MARCHF3: variants seen among roughly 807,000 people sequenced by gnomAD.
The protein encoded by MARCHF3 is membrane associated ring-CH-type finger 3, also known as E3 ubiquitin-protein ligase MARCHF3.
In MARCHF3, 13 loss-of-function variants were observed where a neutral mutation model predicts 24.2. That is an observed-to-expected ratio of 0.54 (90% CI 0.35 to 0.85). MARCHF3 has a LOEUF of 0.85. Among genes scored for constraint, MARCHF3 ranks in the 40% least tolerant of loss-of-function variants. The pLI, the probability that MARCHF3 is intolerant of heterozygous loss-of-function variation, is 0.01. For synonymous variants in MARCHF3, 144 were observed against 137.3 expected, an observed-to-expected ratio of 1.05 and a Z score of -0.34; for missense variants, 276 against 325.0, an observed-to-expected ratio of 0.85 and a Z score of 1.16.
chr5:126,954,190 G>T (rs1292747715), intron 1 of MARCHF3, among the ~76,000 whole-genome samples: 1 of 145,262 alleles, frequency 6.9e-6, no homozygotes, highest in Non-Finnish European at 1.5e-5. Flanking sequence ...CTGCCAACAC[G>T]CCCGGCTAAT....
At chr5:126,904,263 G>T (rs1316829335) in intron 3 of MARCHF3, among the ~76,000 whole-genome samples, 1 of 149,912 alleles carries the variant, frequency 6.7e-6, no homozygotes, top group African/African-American at 2.5e-5. Flanking sequence ...GAATAATGCC[G>T]CAATAAACAT....
intron 4 of MARCHF3, among the ~76,000 whole-genome samples, chr5:126,871,245 C>T (rs1250682140): frequency 6.6e-6 from 1 of 152,186 alleles, no homozygotes; most frequent in Non-Finnish European, 1.5e-5. Context: ...CTGCACAACT[C>T]AAAGGATCCC....
At chr5:126,872,749 G>A (rs190584759) in intron 4 of MARCHF3, among the ~76,000 whole-genome samples, 41 of 152,276 alleles carry the variant, frequency 2.7e-4, no homozygotes, top group South Asian at 6.2e-4. Flanking sequence ...CAGATGCCAC[G>A]GGCCGAGTGC....
At chr5:126,937,706 C>G (rs1330030021) in intron 1 of MARCHF3, among the ~76,000 whole-genome samples, 1 of 152,310 alleles carries the variant, frequency 6.6e-6, no homozygotes, top group Admixed American at 6.5e-5. Flanking sequence ...TTAATACTGA[C>G]TAAATGGATA....
chr5:126,978,167 C>A (rs1355428667), intron 1 of MARCHF3, among the ~76,000 whole-genome samples: 1 of 152,120 alleles, frequency 6.6e-6, no homozygotes, highest in East Asian at 1.9e-4. Context: ...CACTCTACCC[C>A]CAAAACCCTC....
chr5:127,028,135 G>A (rs1283167402), intron 1 of MARCHF3, among the ~76,000 whole-genome samples: 1 of 152,012 alleles, frequency 6.6e-6, no homozygotes, highest in Non-Finnish European at 1.5e-5. Flanking sequence ...CTTGTGATAA[G>A]CCCTTAAAAA....
chr5:126,945,262 C>T (rs1749971121), intron 1 of MARCHF3, among the ~76,000 whole-genome samples: 2 of 152,202 alleles, frequency 1.3e-5, no homozygotes, highest in African/African-American at 4.8e-5. Flanking sequence ...AATCACCCTC[C>T]TCCTTTCCCC....
intron 1 of MARCHF3, among the ~76,000 whole-genome samples, chr5:126,943,355 ATTGT>A (rs1448841355): frequency 6.6e-6 from 1 of 152,052 alleles, no homozygotes; most frequent in Non-Finnish European, 1.5e-5. Context: ...AAGTGGGAGG[ATTGT>A]TTGAGCCCAG....
At chr5:126,894,763 G>C (rs1032829095) in intron 3 of MARCHF3, among the ~76,000 whole-genome samples, 1 of 151,924 alleles carries the variant, frequency 6.6e-6, no homozygotes, top group Non-Finnish European at 1.5e-5. Flanking sequence ...ACAATTATGT[G>C]TGGTGAATCT....
At chr5:126,957,953 T>C (rs901671522) in intron 1 of MARCHF3, among the ~76,000 whole-genome samples, 1 of 152,170 alleles carries the variant, frequency 6.6e-6, no homozygotes, top group Non-Finnish European at 1.5e-5. Flanking sequence ...CTCAGTATTT[T>C]AGTTTTCCAA....
At position 126,868,844 on chromosome 5, in the gene MARCHF3, TG is replaced by T. The variant is rs1318369879; in HGVS notation, c.*1788del. ...ATGTGTGGCAGCTGCGTGCAGCCGGTGATGTCCAGCATTTTAAAAAGGTCAA... is the reference window on the plus strand; with the variant it reads ...ATGTGTGGCAGCTGCGTGCAGCCGGTATGTCCAGCATTTTAAAAAGGTCAA... On this transcript the variant is annotated 3_prime_UTR_variant, in exon 5 of 5. Coordinates refer to ENST00000308660, the MANE Select transcript of MARCHF3 (RefSeq NM_178450.5). 1 of 152,230 alleles carries T rather than the reference TG, an allele frequency of 6.6e-6. No homozygotes were observed. Among genetic ancestry groups the T allele is most frequent in the Non-Finnish European group, 1.5e-5 (1 of 68,094 alleles). 9.4% of individuals were successfully genotyped at this position (152,230 alleles called of 1,614,324 possible). A position where few individuals can be genotyped will look rare whatever the true frequency, so the allele number is the denominator to read the frequency against.
At position 126,957,724 on chromosome 5, in the gene MARCHF3, A is replaced by G. The variant is rs181716513; in HGVS notation, c.-56-39497T>C. ...ATTATAGACTTATAATTCATTTTTA[A>G]TAACTGGTAGAGGAAGATTCCCAAC... On this transcript the variant is annotated intron_variant, in intron 1 of 4. Coordinates refer to ENST00000308660, the MANE Select transcript of MARCHF3 (RefSeq NM_178450.5). 1.7e-3 allele frequency among the ~76,000 whole-genome samples: 260 copies of G among 152,242 alleles called. 1 individual carries two copies. The highest frequency in any genetic ancestry group is 2.8e-3 in the Non-Finnish European group (190 of 67,958).
intron 1 of MARCHF3, among the ~76,000 whole-genome samples, chr5:127,017,428 A>T (rs1752670031): frequency 6.6e-6 from 1 of 152,214 alleles, no homozygotes; most frequent in Admixed American, 6.5e-5. Context: ...CTCAACTTAC[A>T]AGGGGTTTAT....
At chr5:126,912,292 C>T (rs1580633523) in intron 3 of MARCHF3, among the ~76,000 whole-genome samples, 2 of 152,192 alleles carry the variant, frequency 1.3e-5, no homozygotes, top group South Asian at 2.1e-4. Flanking sequence ...GGTTTATTGA[C>T]AACTGGAAGT....
chr5:126,925,824 C>G (rs988902539), intron 1 of MARCHF3, among the ~76,000 whole-genome samples: 2 of 152,142 alleles, frequency 1.3e-5, no homozygotes, highest in Non-Finnish European at 2.9e-5. Flanking sequence ...GGACATTACT[C>G]AGGGATGAAA....
chr5:126,914,481 T>G (rs969645285), intron 3 of MARCHF3, among the ~76,000 whole-genome samples: 20 of 152,268 alleles, frequency 1.3e-4, no homozygotes, highest in African/African-American at 4.8e-4. Context: ...CATCTGGGTC[T>G]ATATCCATTA....
intron 1 of MARCHF3, among the ~76,000 whole-genome samples, chr5:127,001,507 G>A (rs559353845): frequency 2.0e-5 from 3 of 152,262 alleles, no homozygotes; most frequent in Admixed American, 6.5e-5. Flanking sequence ...TCTCCCCCAT[G>A]GTACCAGTGT....
At chr5:127,003,130 GA>G (rs113015192) in intron 1 of MARCHF3, among the ~76,000 whole-genome samples, 7,677 of 138,022 alleles carry the variant, frequency 0.056, 350 homozygotes, top group South Asian at 0.15. Flanking sequence ...AAAGAAAAAA[GA>G]AAAAAAAAAA....
chr5:126,974,443 TCTC>T (rs1386512837), intron 1 of MARCHF3, among the ~76,000 whole-genome samples: 5 of 152,150 alleles, frequency 3.3e-5, no homozygotes, highest in African/African-American at 1.2e-4. Flanking sequence ...CCTCTGCTCT[TCTC>T]CTCCATATTT....
Sources: gnomAD v4.1 joint callset for allele counts (sites outside exome capture counted in the v4.1 genomes callset) on GRCh38, gnomAD v4.1.1 for gene constraint, MANE v1.5 for transcripts, NCBI Gene and HGNC (gene_info 2026-07-23, HGNC 2026-07-21) for gene names.